Variants in ZNF43 observed in about 807,000 individuals in gnomAD.
ZNF43 encodes the protein zinc finger protein 39-like 1 (KOX 27).
Under a neutral mutation model 68.4 loss-of-function variants are expected in ZNF43, and 44 were observed. That is an observed-to-expected ratio of 0.64 (90% confidence interval 0.51 to 0.83). The LOEUF (loss-of-function observed/expected upper bound fraction) is 0.83. ZNF43 is among the 40% of genes least tolerant of loss of function. The pLI is 0.00. For missense variants in ZNF43, 896 were observed against 933.2 expected, an observed-to-expected ratio of 0.96 and a Z score of 0.52; for synonymous variants, 308 against 307.8, an observed-to-expected ratio of 1.00 and a Z score of -0.01.
chr19:21,850,508 C>T (rs986316829), intron 1 of ZNF43, among the ~76,000 whole-genome samples: 11 of 151,652 alleles, frequency 7.3e-5, no homozygotes, highest in Non-Finnish European at 8.8e-5. Flanking sequence ...TGCAGTGAGC[C>T]GAGATCGCAC....
rs147875950 is a variant in ZNF43, at chr19:21,805,262, G to A, written c.*2345C>T. On this transcript the variant is annotated 3_prime_UTR_variant, in exon 4 of 4. Coordinates refer to ENST00000354959, the MANE Select transcript of ZNF43 (RefSeq NM_003423.4). ...AGGCAGATCATGAGGTCAGAAGATC[G>A]AGACCATCCTGGCCAACATGGTGAA... is the stretch of plus-strand genomic sequence containing the variant. The A allele has an allele frequency of 0.035, 5,315 of 152,162 alleles. 177 individuals carry two copies. Among genetic ancestry groups the A allele is most frequent in the South Asian group, 0.15 (741 of 4,808 alleles). The allele number at this position is 152,162 out of a possible 1,614,324, so 9.4% of individuals were successfully genotyped here.
chr19:21,846,040 C>T (rs1367569000), intron 1 of ZNF43, among the ~76,000 whole-genome samples: 1 of 152,034 alleles, frequency 6.6e-6, no homozygotes, highest in Non-Finnish European at 1.5e-5. Context: ...CATCCAGCAA[C>T]ATGTCACAAT....
In ZNF43 at chr19:21,851,874, C is replaced by T. The variant is rs912045129; in HGVS notation, c.30+31G>A. The T allele has an allele frequency of 1.5e-5, 24 of 1,560,872 alleles. No individual in the cohort carries two copies. In the African/African-American group the frequency reaches 1.6e-4, roughly 11 times the overall value. ...CCGCCACTTTCACAGCCTGCTCTCCCCTCTCGGGATGCCTAACCCCGCACA... is the reference window on the plus strand; with the variant it reads ...CCGCCACTTTCACAGCCTGCTCTCCTCTCTCGGGATGCCTAACCCCGCACA... On this transcript the variant is annotated intron_variant, in intron 1 of 3. Coordinates refer to the ZNF43 transcript ENST00000357491.
At chr19:21,830,965 T>A in intron 1 of ZNF43, among the ~76,000 whole-genome samples, 1 of 152,160 alleles carries the variant, frequency 6.6e-6, no homozygotes, top group East Asian at 1.9e-4. Flanking sequence ...AATCAATAAA[T>A]GTGATTAATC....
chr19:21,844,072 T>G (rs1459203406), intron 1 of ZNF43, among the ~76,000 whole-genome samples: 1 of 152,058 alleles, frequency 6.6e-6, no homozygotes, highest in East Asian at 1.9e-4. Flanking sequence ...GAGAGTCAAA[T>G]CCACTCTGAG....
In ZNF43 at chr19:21,807,555, G is replaced by T; in HGVS notation, c.*52C>A. On this transcript the variant is annotated 3_prime_UTR_variant, in exon 4 of 4. Transcript: ENST00000354959. ...ACCTACAATCAAGTGTGACAACCAT[G>T]TAAAGCCTTTATCACATTCTTTACA... 6.9e-7 allele frequency: 1 copy of T among 1,445,150 alleles called. No individual in the cohort carries two copies. The highest frequency in any genetic ancestry group is 1.5e-5 in the South Asian group (1 of 66,602). The allele number at this position is 1,445,150 out of a possible 1,614,324, so 89.5% of individuals were successfully genotyped here.
Position 21,824,999 on chromosome 19 carries a change from GC to G in ZNF43, c.4-5779del, listed in dbSNP as rs560591214. Among the ~76,000 whole-genome samples, 635 of 152,262 alleles carry G rather than the reference GC, an allele frequency of 4.2e-3. 5 individuals are homozygous for G. The highest frequency in any genetic ancestry group is 0.015 in the African/African-American group (603 of 41,562). ...GCCTGTAATCCTAGAACTCTGGGAG[GC>G]CAAGGCAGCTGGATCACCTGAGGAC... is the stretch of plus-strand genomic sequence containing the variant. On this transcript the variant is annotated intron_variant, in intron 1 of 3. Coordinates refer to ENST00000354959, the MANE Select transcript of ZNF43 (RefSeq NM_003423.4).
At chr19:21,824,114 A>G (rs368779550) in intron 1 of ZNF43, among the ~76,000 whole-genome samples, 2 of 152,122 alleles carry the variant, frequency 1.3e-5, no homozygotes, top group African/African-American at 4.8e-5. Flanking sequence ...TGAACCCGGG[A>G]GGCGGAGCTT....
intron 1 of ZNF43, among the ~76,000 whole-genome samples, chr19:21,821,750 T>C (rs2037854904): frequency 6.7e-6 from 1 of 149,540 alleles, no homozygotes. Context: ...AAAAGAAATA[T>C]TTTGCAGAGA....
At chr19:21,812,591 T>C (rs1360060601) in intron 3 of ZNF43, among the ~76,000 whole-genome samples, 1 of 149,386 alleles carries the variant, frequency 6.7e-6, no homozygotes, top group Non-Finnish European at 1.5e-5. Flanking sequence ...AAATCACCTA[T>C]CACCCATTTA....
intron 1 of ZNF43, among the ~76,000 whole-genome samples, chr19:21,823,944 G>A (rs911680698): frequency 5.3e-5 from 8 of 152,134 alleles, no homozygotes; most frequent in Non-Finnish European, 1.0e-4. Context: ...CAGCATTTGG[G>A]GAGGCTGAGG....
chr19:21,808,158 A>G lies in ZNF43; in HGVS notation c.1879T>C (p.Cys627Arg). 1 of 1,613,232 alleles carries G rather than the reference A, an allele frequency of 6.2e-7. No individual in the cohort carries two copies. The highest frequency in any genetic ancestry group is 8.5e-7 in the Non-Finnish European group (1 of 1,179,738). Residue 627 changes from cysteine to arginine, a missense_variant, in exon 4 of 4, where the codon TGT becomes CGT. Cys to Arg is a radical substitution (Grantham distance 180). Coordinates refer to ENST00000354959, the MANE Select transcript of ZNF43 (RefSeq NM_003423.4). The part of the protein sequence containing the change: ...TGGKPYKCEE[C>R]GKAFNQFSTL... ...GAGAACTGGTTAAAAGCTTTGCCAC[A>G]TTCTTCACATTTGTAGGGTTTTCCT...
At position 21,817,134 on chromosome 19, in the gene ZNF43, C is replaced by T. The variant is rs186797146; in HGVS notation, c.229+754G>A. On this transcript the variant is annotated intron_variant, in intron 3 of 3. Coordinates refer to ENST00000354959, the MANE Select transcript of ZNF43 (RefSeq NM_003423.4). ...GCATGGGCCTGTAATCCCATCTACT[C>T]GGGAGGCTGAGAGAGAAGGCAGAGG... 2.7e-3 allele frequency among the ~76,000 whole-genome samples: 404 copies of T among 150,028 alleles called. 2 individuals are homozygous for T. The highest frequency in any genetic ancestry group is 9.4e-3 in the African/African-American group (387 of 40,972).
chr19:21,824,960 G>A (rs1391852382), intron 1 of ZNF43, among the ~76,000 whole-genome samples: 2 of 152,158 alleles, frequency 1.3e-5, no homozygotes, highest in African/African-American at 4.8e-5. Context: ...CTTAGGCTGG[G>A]CACGGTGGCT....
At position 21,836,078 on chromosome 19, in the gene ZNF43, TCCC is replaced by T. The variant is rs572345334; in HGVS notation, c.-43_-41del. 1.9e-6 allele frequency: 3 copies of T among 1,613,110 alleles called. No homozygotes were observed. The highest frequency in any genetic ancestry group is 3.3e-5 in the Admixed American group (2 of 59,974). Reference sequence around the variant, plus strand: ...GGGGTCCTGGCGTCTTAGCTGTGGATCCCCCAATACCCGCAGGTCACAGAGCCA... The same window carrying T: ...GGGGTCCTGGCGTCTTAGCTGTGGATCCAATACCCGCAGGTCACAGAGCCA... On this transcript the variant is annotated 5_prime_UTR_variant, in exon 1 of 4. Coordinates refer to ENST00000354959, the MANE Select transcript of ZNF43 (RefSeq NM_003423.4).
chr19:21,844,910 AAAAAAAAAAAAATATATATATATAT>A (rs1296643957), intron 1 of ZNF43, among the ~76,000 whole-genome samples: 2 of 118,302 alleles, frequency 1.7e-5, no homozygotes, highest in African/African-American at 8.1e-5. Flanking sequence ...AAAAAAAAAA[AAAAAAAAAAAAATATATATATATAT>A]ATATATATAT....
chr19:21,840,480 G>C (rs1036158446), upstream of ZNF43: 1 of 152,218 alleles, frequency 6.6e-6, no homozygotes, highest in African/African-American at 2.4e-5. Flanking sequence ...ACATCCATGA[G>C]AGCCTCAATC....
chr19:21,818,016 T>C (rs759952727), intron 2 of ZNF43, 30 bp from the exon 3 acceptor site: 1 of 1,588,718 alleles, frequency 6.3e-7, no homozygotes, highest in South Asian at 1.1e-5. Flanking sequence ...ATTACGTGAA[T>C]CTTGCTCATA....
At chr19:21,812,835 C>T (rs185172196) in intron 3 of ZNF43, among the ~76,000 whole-genome samples, 19 of 151,834 alleles carry the variant, frequency 1.3e-4, no homozygotes, top group African/African-American at 3.6e-4. Flanking sequence ...CCTGTAATCT[C>T]GGCTACCCTG....
Sources: gnomAD v4.1 joint callset for allele counts (sites outside exome capture counted in the v4.1 genomes callset) on GRCh38, gnomAD v4.1.1 for gene constraint, MANE v1.5 for transcripts, NCBI Gene and HGNC (gene_info 2026-07-23, HGNC 2026-07-21) for gene names.